The following LUZP2 variants were observed in gnomAD, a reference collection of about 807,000 sequenced individuals.
LUZP2 encodes the protein leucine zipper protein 2.
LUZP2 carries 52 observed loss-of-function variants against 51.6 expected under a neutral mutation model. The ratio of observed to expected loss-of-function variants is 1.01; its 90% confidence interval spans 0.81 to 1.27. The LOEUF (loss-of-function observed/expected upper bound fraction) is 1.27, where lower values mean the gene tolerates loss of function less well. Ranked by LOEUF, LUZP2 falls within the 50% of genes most tolerant of loss-of-function variation. The pLI, the probability that LUZP2 is intolerant of heterozygous loss-of-function variation, is 0.00. For synonymous variants in LUZP2, 154 were observed against 137.3 expected, an observed-to-expected ratio of 1.12 and a Z score of -0.85; for missense variants, 436 against 395.4, an observed-to-expected ratio of 1.10 and a Z score of -0.87.
chr11:25,021,695 C>T (rs1857338796), intron 9 of LUZP2, among the ~76,000 whole-genome samples: 1 of 151,820 alleles, frequency 6.6e-6, no homozygotes, highest in South Asian at 2.1e-4. Flanking sequence ...TGGAAGGGAG[C>T]CAGGATAGGA....
intron 1 of LUZP2, among the ~76,000 whole-genome samples, chr11:24,716,213 T>C (rs1858035176): frequency 6.6e-6 from 1 of 152,218 alleles, no homozygotes; most frequent in South Asian, 2.1e-4. Flanking sequence ...TTTGTGTTTC[T>C]ACAGTTATTA....
chr11:24,832,155 A>C (rs1340798743), intron 5 of LUZP2: 1 of 152,136 alleles, frequency 6.6e-6, no homozygotes, highest in African/African-American at 2.4e-5. Context: ...AAGAGAAATC[A>C]AATCTATCTG....
chr11:24,797,172 C>T (rs1198884134), intron 5 of LUZP2, among the ~76,000 whole-genome samples: 1 of 152,124 alleles, frequency 6.6e-6, no homozygotes, highest in Non-Finnish European at 1.5e-5. Context: ...ATAATAAGAA[C>T]TGAATAACTG....
At chr11:25,037,782 G>A (rs1857911135) in intron 9 of LUZP2, among the ~76,000 whole-genome samples, 1 of 151,810 alleles carries the variant, frequency 6.6e-6, no homozygotes, top group African/African-American at 2.4e-5. Flanking sequence ...GCTGAGTATA[G>A]GCCACCAGTC....
intron 9 of LUZP2, among the ~76,000 whole-genome samples, chr11:24,994,159 CT>C (rs58939086): frequency 0.37 from 47,306 of 127,300 alleles, 9,624 homozygotes; most frequent in East Asian, 0.66. Flanking sequence ...GCACCTGGCC[CT>C]TTTTTTTTTT....
intron 1 of LUZP2, among the ~76,000 whole-genome samples, chr11:24,505,059 A>C (rs543345240): frequency 7.9e-5 from 12 of 152,014 alleles, no homozygotes; most frequent in Non-Finnish European, 1.5e-4. Context: ...GTGGGCAGTG[A>C]CTCGCTGTCT....
intron 1 of LUZP2, among the ~76,000 whole-genome samples, chr11:24,619,856 T>C (rs1854435354): frequency 6.6e-6 from 1 of 152,166 alleles, no homozygotes; most frequent in Non-Finnish European, 1.5e-5. Context: ...TTTTTTAAAA[T>C]GCATTTTTTT....
chr11:25,027,338 A>T (rs990284534), intron 9 of LUZP2, among the ~76,000 whole-genome samples: 1 of 152,114 alleles, frequency 6.6e-6, no homozygotes, highest in Non-Finnish European at 1.5e-5. Flanking sequence ...ATTTAGAATA[A>T]TTCTCCTCTT....
At chr11:24,718,564 TTTCTTAACCATTGG>T (rs72410981) in intron 1 of LUZP2, among the ~76,000 whole-genome samples, 32,322 of 152,078 alleles carry the variant, frequency 0.21, 4,306 homozygotes, top group East Asian at 0.44. Context: ...GTTTGGGGAA[TTTCTTAACCATTGG>T]TGATTTCTGG....
intron 4 of LUZP2, among the ~76,000 whole-genome samples, chr11:24,756,380 G>A (rs1195831165): frequency 1.3e-5 from 2 of 152,126 alleles, no homozygotes; most frequent in South Asian, 2.1e-4. Flanking sequence ...AATATTTTAC[G>A]AAGTTTGGCT....
chr11:24,806,250 A>G (rs1849853533), intron 5 of LUZP2, among the ~76,000 whole-genome samples: 1 of 152,178 alleles, frequency 6.6e-6, no homozygotes. Flanking sequence ...ACCACTCGGT[A>G]AATGTTAATT....
At chr11:25,072,540 A>C (rs1192011245) in intron 10 of LUZP2, among the ~76,000 whole-genome samples, 1 of 152,136 alleles carries the variant, frequency 6.6e-6, no homozygotes, top group Non-Finnish European at 1.5e-5. Context: ...ACATTTGTGG[A>C]AGCAAAAGTT....
intron 1 of LUZP2, among the ~76,000 whole-genome samples, chr11:24,606,928 G>A (rs528445951): frequency 6.6e-6 from 1 of 151,756 alleles, no homozygotes; most frequent in African/African-American, 2.4e-5. Flanking sequence ...ATATCTATTG[G>A]CCATTTGTAT....
chr11:24,847,187 A>G (rs1851228065), intron 5 of LUZP2, among the ~76,000 whole-genome samples: 1 of 152,034 alleles, frequency 6.6e-6, no homozygotes, highest in Non-Finnish European at 1.5e-5. Flanking sequence ...CCAAATCATG[A>G]AATCAGCATT....
intron 1 of LUZP2, among the ~76,000 whole-genome samples, chr11:24,626,908 A>C (rs1448318399): frequency 6.6e-6 from 1 of 152,230 alleles, no homozygotes; most frequent in Non-Finnish European, 1.5e-5. Context: ...AGAAAGTACC[A>C]TGCTACTCCA....
chr11:24,650,612 A>G (rs1452883542), intron 1 of LUZP2, among the ~76,000 whole-genome samples: 1 of 152,112 alleles, frequency 6.6e-6, no homozygotes, highest in African/African-American at 2.4e-5. Context: ...ATGATAATGA[A>G]CACTCACCAA....
chr11:24,787,984 T>C (rs759386543), intron 5 of LUZP2, among the ~76,000 whole-genome samples: 28 of 151,910 alleles, frequency 1.8e-4, no homozygotes, highest in Non-Finnish European at 4.0e-4. Context: ...CTTTGGGGCA[T>C]TGTCCCCGTA....
chr11:24,914,547 C>G lies in LUZP2; in HGVS notation c.522+9C>G, dbSNP rs771898332. ...AGGATTTATTATTTAAGGTGAGTCTCTTTTCTCTCTTTTCCCTGAAACTTG... is the reference window on the plus strand; with the variant it reads ...AGGATTTATTATTTAAGGTGAGTCTGTTTTCTCTCTTTTCCCTGAAACTTG... On this transcript the variant is annotated intron_variant, in intron 7 of 11. Transcript: ENST00000336930. 6.4e-7 allele frequency: 1 copy of G among 1,571,206 alleles called. No homozygotes were observed. The highest frequency in any genetic ancestry group is 8.7e-7 in the Non-Finnish European group (1 of 1,154,010).
At chr11:24,852,195 G>A (rs544504958) in intron 5 of LUZP2, among the ~76,000 whole-genome samples, 26 of 152,176 alleles carry the variant, frequency 1.7e-4, no homozygotes, top group Non-Finnish European at 3.2e-4. Context: ...TCATTGTGAT[G>A]TTAGGGTGTC....
Sources: gnomAD v4.1 joint callset for allele counts (sites outside exome capture counted in the v4.1 genomes callset) on GRCh38, gnomAD v4.1.1 for gene constraint, MANE v1.5 for transcripts, NCBI Gene and HGNC (gene_info 2026-07-23, HGNC 2026-07-21) for gene names.